The following CNBD1 variants were observed in gnomAD, a reference collection of about 807,000 sequenced individuals.
The protein encoded by CNBD1 is cyclic nucleotide-binding domain-containing protein 1.
A neutral mutation model predicts 54.4 loss-of-function variants in CNBD1; 71 were observed. The observed-to-expected ratio is 1.30, with a 90% CI of 1.08 to 1.59. The LOEUF (loss-of-function observed/expected upper bound fraction) is 1.59, where lower values mean the gene tolerates loss of function less well. CNBD1 is among the 40% of genes most tolerant of loss of function. CNBD1 has a pLI of 0.00. For missense variants in CNBD1, 659 were observed against 518.0 expected (o/e 1.27, Z -2.64); for synonymous variants, 182 against 170.7 (o/e 1.07, Z -0.51).
intron 6 of CNBD1, among the ~76,000 whole-genome samples, chr8:87,276,868 C>G (rs7845931): frequency 6.6e-6 from 1 of 151,448 alleles, no homozygotes; most frequent in Non-Finnish European, 1.5e-5. Flanking sequence ...CTTACAGGAA[C>G]CTTAGAATGC....
chr8:87,413,467 G>A (rs935288670), intron 2 of CNBD1, among the ~76,000 whole-genome samples: 3 of 151,934 alleles, frequency 2.0e-5, no homozygotes, highest in Non-Finnish European at 4.4e-5. Flanking sequence ...AAGTTTAATT[G>A]GTGAGCCTAA....
At chr8:86,972,202 G>A (rs1563842976) in intron 4 of CNBD1, among the ~76,000 whole-genome samples, 1 of 151,986 alleles carries the variant, frequency 6.6e-6, no homozygotes, top group Non-Finnish European at 1.5e-5. Context: ...CACCCACCTC[G>A]GCCTCCCAAA....
chr8:87,206,212 TG>T lies in CNBD1; in HGVS notation c.577+75del, dbSNP rs1314370938. The T allele has an allele frequency of 2.6e-6, 3 of 1,140,972 alleles. No individual in the cohort carries two copies. In the East Asian group the frequency reaches 8.3e-5, roughly 32 times the overall value. 70.7% of individuals were successfully genotyped at this position (1,140,972 alleles called of 1,614,324 possible). A position where few individuals can be genotyped will look rare whatever the true frequency, so the allele number is the denominator to read the frequency against. On this transcript the variant is annotated intron_variant, in intron 5 of 10. Transcript: ENST00000518476. Reference sequence around the variant, plus strand: ...TGTTTCGAGTTCTTTATCATTATAATGCTTATAATTTCACTTAACAATTTCA... The same window carrying T: ...TGTTTCGAGTTCTTTATCATTATAATCTTATAATTTCACTTAACAATTTCA...
intron 2 of CNBD1, among the ~76,000 whole-genome samples, chr8:87,411,132 T>C (rs910881986): frequency 6.4e-4 from 97 of 151,976 alleles, no homozygotes; most frequent in African/African-American, 2.3e-3. Context: ...AATACAAGTA[T>C]GCTTGCATTT....
At chr8:86,934,799 G>A (rs1266715377) in intron 3 of CNBD1, among the ~76,000 whole-genome samples, 3 of 152,010 alleles carry the variant, frequency 2.0e-5, no homozygotes, top group African/African-American at 7.3e-5. Context: ...TTCCCAAATA[G>A]CGTAGGCTTT....
At chr8:87,030,444 T>G (rs192294959) in intron 4 of CNBD1, among the ~76,000 whole-genome samples, 1 of 152,322 alleles carries the variant, frequency 6.6e-6, no homozygotes, top group East Asian at 1.9e-4. Flanking sequence ...TAGTGAAAGA[T>G]TAGAAAAAAT....
At chr8:87,026,180 C>T (rs1809641024) in intron 4 of CNBD1, among the ~76,000 whole-genome samples, 1 of 152,080 alleles carries the variant, frequency 6.6e-6, no homozygotes, top group African/African-American at 2.4e-5. Context: ...AAGAGATCTA[C>T]CTATACTGTA....
intron 3 of CNBD1, among the ~76,000 whole-genome samples, chr8:86,939,264 T>C (rs192411434): frequency 2.0e-5 from 3 of 152,284 alleles, no homozygotes; most frequent in African/African-American, 7.2e-5. Flanking sequence ...GTATAAATGA[T>C]GTTAGCCATT....
intron 4 of CNBD1, among the ~76,000 whole-genome samples, chr8:87,034,526 G>A (rs891549137): frequency 3.9e-5 from 6 of 152,116 alleles, no homozygotes; most frequent in African/African-American, 1.4e-4. Flanking sequence ...CTGAATCTTT[G>A]TATTTATTTA....
At chr8:87,303,865 A>G (rs1809077939) in intron 8 of CNBD1, among the ~76,000 whole-genome samples, 1 of 152,216 alleles carries the variant, frequency 6.6e-6, no homozygotes. Flanking sequence ...GATATTAAAC[A>G]GCCAAAAGAC....
At chr8:87,277,823 T>C (rs1250477315) in intron 6 of CNBD1, among the ~76,000 whole-genome samples, 3 of 151,658 alleles carry the variant, frequency 2.0e-5, no homozygotes, top group African/African-American at 7.3e-5. Flanking sequence ...ACATCCAGCA[T>C]TGACTAAAAA....
chr8:87,131,062 T>C (rs558632820), intron 4 of CNBD1, among the ~76,000 whole-genome samples: 1 of 152,240 alleles, frequency 6.6e-6, no homozygotes, highest in African/African-American at 2.4e-5. Context: ...TTCCTTTTAA[T>C]CTATCTGCAT....
intron 5 of CNBD1, among the ~76,000 whole-genome samples, chr8:87,225,841 T>C (rs1232986537): frequency 1.4e-5 from 2 of 145,824 alleles, no homozygotes; most frequent in Non-Finnish European, 3.0e-5. Context: ...GTACCTCTGG[T>C]AGAATTCAGC....
chr8:87,328,959 C>T (rs1426376813), intron 8 of CNBD1, among the ~76,000 whole-genome samples: 1 of 152,008 alleles, frequency 6.6e-6, no homozygotes, highest in East Asian at 1.9e-4. Context: ...TTTGTATAGT[C>T]ATTACCAAAC....
At chr8:87,256,942 A>G in intron 6 of CNBD1, among the ~76,000 whole-genome samples, 1 of 152,004 alleles carries the variant, frequency 6.6e-6, no homozygotes, top group East Asian at 1.9e-4. Flanking sequence ...CTAGATTGTG[A>G]AGGGGTTGTC....
chr8:87,068,617 T>A (rs1199679897), intron 4 of CNBD1, among the ~76,000 whole-genome samples: 3 of 152,206 alleles, frequency 2.0e-5, no homozygotes, highest in African/African-American at 7.2e-5. Context: ...GCAAGGGATA[T>A]ATAGTAAATA....
intron 5 of CNBD1, among the ~76,000 whole-genome samples, chr8:87,235,083 C>G (rs1161770930): frequency 1.3e-5 from 2 of 152,200 alleles, no homozygotes; most frequent in African/African-American, 4.8e-5. Flanking sequence ...AGCTTTTCAT[C>G]TGGAGCTTCC....
intron 5 of CNBD1, among the ~76,000 whole-genome samples, chr8:87,234,248 T>A (rs1193231474): frequency 6.6e-6 from 1 of 152,192 alleles, no homozygotes; most frequent in African/African-American, 2.4e-5. Context: ...AGTGTTGATA[T>A]TTTGACCTCC....
intron 2 of CNBD1, among the ~76,000 whole-genome samples, chr8:87,400,217 T>C (rs1003876950): frequency 6.6e-6 from 1 of 152,020 alleles, no homozygotes; most frequent in African/African-American, 2.4e-5. Flanking sequence ...GATTTATGGT[T>C]GGTGCAAAGG....
Sources: allele counts gnomAD v4.1 joint callset (sites outside exome capture counted in the v4.1 genomes callset), GRCh38; gene constraint gnomAD v4.1.1; transcripts MANE v1.5; gene names NCBI Gene and HGNC (gene_info 2026-07-23, HGNC 2026-07-21).